GFRA1: variants seen among roughly 807,000 people sequenced by gnomAD.
GFRA1 encodes the protein GDNF family receptor alpha-1.
Under a neutral mutation model 51.6 loss-of-function variants are expected in GFRA1, and 16 were observed. The observed-to-expected ratio is 0.31, with a 90% CI of 0.21 to 0.47. The LOEUF is 0.47. Ranked by LOEUF, GFRA1 falls within the 20% of genes least tolerant of loss-of-function variation. The probability of loss-of-function intolerance (pLI) is 1.00; values close to 1 mark genes in which losing one functional copy is unlikely to be tolerated. For missense variants in GFRA1, 530 were observed against 594.3 expected, an observed-to-expected ratio of 0.89 and a Z score of 1.13; for synonymous variants, 270 against 241.3, an observed-to-expected ratio of 1.12 and a Z score of -1.10.
chr10:116,142,144 T>C (rs1341366536), intron 5 of GFRA1, among the ~76,000 whole-genome samples: 1 of 152,164 alleles, frequency 6.6e-6, no homozygotes, highest in Admixed American at 6.5e-5. Context: ...TTATTCATTG[T>C]GGGCATTTGT....
At chr10:116,234,819 C>T (rs1024880840) in intron 4 of GFRA1, among the ~76,000 whole-genome samples, 1 of 152,112 alleles carries the variant, frequency 6.6e-6, no homozygotes, top group Admixed American at 6.5e-5. Context: ...ATAATCCCCA[C>T]ATTTCATGGG....
intron 6 of GFRA1, among the ~76,000 whole-genome samples, chr10:116,099,619 A>C (rs1956738343): frequency 6.6e-6 from 1 of 152,130 alleles, no homozygotes; most frequent in South Asian, 2.1e-4. Flanking sequence ...ACATCTCCTA[A>C]ATTATGCATG....
In GFRA1 at chr10:116,164,879, A is replaced by T. The variant is rs560607194; in HGVS notation, c.434-39322T>A. On this transcript the variant is annotated intron_variant, in intron 5 of 10. Transcript: ENST00000355422. ...TGCGGAGGTCACTGCAAAGTATCACAGGCATTTTGTCCTCCACCTGTGAAA... is the reference window on the plus strand; with the variant it reads ...TGCGGAGGTCACTGCAAAGTATCACTGGCATTTTGTCCTCCACCTGTGAAA... 8.5e-5 allele frequency among the ~76,000 whole-genome samples: 13 copies of T among 152,226 alleles called. No individual in the cohort carries two copies. The East Asian group carries it at 2.5e-3, about 30-fold the overall frequency.
chr10:116,099,587 C>A (rs1023514334), intron 6 of GFRA1, among the ~76,000 whole-genome samples: 4 of 151,708 alleles, frequency 2.6e-5, no homozygotes, highest in Non-Finnish European at 5.9e-5. Context: ...ACATCTCCTT[C>A]TCCTACCATC....
intron 9 of GFRA1, among the ~76,000 whole-genome samples, chr10:116,078,339 G>A (rs1051775716): frequency 2.0e-5 from 3 of 152,168 alleles, no homozygotes; most frequent in Non-Finnish European, 4.4e-5. Flanking sequence ...GGCTGACGTG[G>A]GTGGATTCTG....
chr10:116,139,563 T>A (rs1246935018), intron 5 of GFRA1, among the ~76,000 whole-genome samples: 1 of 152,218 alleles, frequency 6.6e-6, no homozygotes, highest in South Asian at 2.1e-4. Context: ...GGGGTCAAGA[T>A]GATTCCCTCC....
chr10:116,158,668 C>T (rs1177519718), intron 5 of GFRA1, among the ~76,000 whole-genome samples: 1 of 152,222 alleles, frequency 6.6e-6, no homozygotes, highest in Admixed American at 6.5e-5. Flanking sequence ...CTAGCCACTG[C>T]TCAGCAGGAT....
chr10:116,072,932 T>C (rs1275409978), intron 9 of GFRA1, among the ~76,000 whole-genome samples: 1 of 152,176 alleles, frequency 6.6e-6, no homozygotes, highest in East Asian at 1.9e-4. Context: ...AAAATTCAAG[T>C]TGCTGTGGAC....
At chr10:116,154,101 G>A (rs1194160004) in intron 5 of GFRA1, among the ~76,000 whole-genome samples, 1 of 152,140 alleles carries the variant, frequency 6.6e-6, no homozygotes, top group East Asian at 1.9e-4. Context: ...AAACATGAGT[G>A]TGTCCATCCA....
At position 116,120,827 on chromosome 10, in the gene GFRA1, G is replaced by A. The variant is rs537841783; in HGVS notation, c.770+4394C>T. Among the ~76,000 whole-genome samples the A allele has an allele frequency of 3.3e-5, 5 of 152,286 alleles. No individual in the cohort carries two copies. The South Asian group carries it at 6.2e-4, about 19-fold the overall frequency. On this transcript the variant is annotated intron_variant, in intron 6 of 10. Transcript: ENST00000355422. ...CAAGGATGCAGCAGCTCTGCTGCAC[G>A]TGCTGAATGCCCCAGAAGGGCAAGG...
intron 6 of GFRA1, among the ~76,000 whole-genome samples, chr10:116,111,429 T>C (rs1957207602): frequency 6.6e-6 from 1 of 152,136 alleles, no homozygotes; most frequent in East Asian, 1.9e-4. Flanking sequence ...CCCCACAGCC[T>C]TCCAAATAAA....
intron 5 of GFRA1, among the ~76,000 whole-genome samples, chr10:116,164,545 A>G (rs1245133109): frequency 6.6e-6 from 1 of 152,180 alleles, no homozygotes; most frequent in Non-Finnish European, 1.5e-5. Context: ...ATTAATGCCC[A>G]AGGCTTCAGG....
rs1045831432 is a variant in GFRA1, at chr10:116,264,936, G to A, written c.418+4567C>T. ...GCTGGTATTTACAAGGCTTTCTCTC[G>A]TCATGACCTGACAAGAAAGCAGGTG... is the stretch of plus-strand genomic sequence containing the variant. On this transcript the variant is annotated intron_variant, in intron 4 of 10. Coordinates refer to ENST00000355422, the MANE Select transcript of GFRA1 (RefSeq NM_005264.8). Among the ~76,000 whole-genome samples, 5 of 152,176 alleles carry A rather than the reference G, an allele frequency of 3.3e-5. No individual in the cohort carries two copies. The East Asian group carries it at 5.8e-4, about 18-fold the overall frequency.
At chr10:116,178,305 G>GT (rs1029777214) in intron 5 of GFRA1, among the ~76,000 whole-genome samples, 9 of 151,344 alleles carry the variant, frequency 5.9e-5, no homozygotes, top group East Asian at 1.9e-4. Flanking sequence ...GGGCCGGGGG[G>GT]GCGTTTTACT....
At chr10:116,173,221 G>A (rs1260801372) in intron 5 of GFRA1, among the ~76,000 whole-genome samples, 1 of 152,160 alleles carries the variant, frequency 6.6e-6, no homozygotes, top group Admixed American at 6.5e-5. Flanking sequence ...CGTGGAGACT[G>A]GGCACACCTC....
chr10:116,235,152 G>C (rs948367152), intron 4 of GFRA1, among the ~76,000 whole-genome samples: 7 of 152,160 alleles, frequency 4.6e-5, no homozygotes, highest in African/African-American at 1.7e-4. Flanking sequence ...AACTGAGTCA[G>C]GAATATCTGT....
chr10:116,186,415 G>A (rs1364136470), intron 5 of GFRA1, among the ~76,000 whole-genome samples: 1 of 152,166 alleles, frequency 6.6e-6, no homozygotes. Context: ...ATGTGCCACT[G>A]AGCACAGTTT....
intron 9 of GFRA1, among the ~76,000 whole-genome samples, chr10:116,084,761 AACACACACACACAC>A (rs5788130): frequency 0.068 from 9,504 of 140,128 alleles, 404 homozygotes; most frequent in African/African-American, 0.12. Flanking sequence ...TTAAATAAGT[AACACACACACACAC>A]ACACACACAC....
At chr10:116,075,021 A>G (rs1281203281) in intron 9 of GFRA1, among the ~76,000 whole-genome samples, 3 of 152,164 alleles carry the variant, frequency 2.0e-5, no homozygotes, top group Non-Finnish European at 4.4e-5. Flanking sequence ...CCTTTTTATT[A>G]AGCATGTTTA....
Sources: gnomAD v4.1 joint callset for allele counts (sites outside exome capture counted in the v4.1 genomes callset) on GRCh38, gnomAD v4.1.1 for gene constraint, MANE v1.5 for transcripts, NCBI Gene and HGNC (gene_info 2026-07-23, HGNC 2026-07-21) for gene names.